P3H2: variants seen among roughly 807,000 people sequenced by gnomAD.
The protein encoded by P3H2 is prolyl 3-hydroxylase 2, also known as leprecan-like 1.
In P3H2, 80 loss-of-function variants were observed where a neutral mutation model predicts 87.0. The observed-to-expected ratio is 0.92, with a 90% CI of 0.77 to 1.11. The LOEUF (loss-of-function observed/expected upper bound fraction) is 1.11. P3H2 is among the 50% of genes least tolerant of loss of function. The probability of loss-of-function intolerance (pLI) is 0.00; values close to 1 mark genes in which losing one functional copy is unlikely to be tolerated. For missense variants in P3H2, 1,001 were observed against 923.9 expected (o/e 1.08, Z -1.08); for synonymous variants, 367 against 359.3 (o/e 1.02, Z -0.24).
intron 1 of P3H2, among the ~76,000 whole-genome samples, chr3:190,032,417 G>C (rs1329538051): frequency 1.3e-5 from 2 of 152,026 alleles, no homozygotes; most frequent in Non-Finnish European, 2.9e-5. Context: ...CTGTGATTTA[G>C]TCTCAAGAAA....
intron 1 of P3H2, among the ~76,000 whole-genome samples, chr3:190,011,447 A>G (rs1004274548): frequency 6.6e-6 from 1 of 152,202 alleles, no homozygotes; most frequent in Non-Finnish European, 1.5e-5. Context: ...TATCCTAAAA[A>G]ATAAGTTTGA....
rs1722659421 is a variant in P3H2 at position 189,957,199 on chromosome 3, C to T, written c.*713G>A. On this transcript the variant is annotated 3_prime_UTR_variant, in exon 15 of 15. Transcript: ENST00000319332. The stretch of plus-strand genomic sequence containing the variant: ...TCCCGGAGCCTGGGTGATCATTACG[C>T]CCATGATACCTGAGGCAGCGTGGAC... 7.5e-6 allele frequency: 3 copies of T among 398,630 alleles called. No homozygotes were observed. Among genetic ancestry groups the T allele is most frequent in the South Asian group, 1.3e-4 (1 of 7,860 alleles). The allele number at this position is 398,630 out of a possible 1,614,324, so 24.7% of individuals were successfully genotyped here.
intron 6 of P3H2, 67 bp downstream of exon 6, chr3:189,986,721 G>C: frequency 8.7e-7 from 1 of 1,152,744 alleles, no homozygotes; most frequent in South Asian, 1.3e-5. Flanking sequence ...ATGGAGGCAG[G>C]TAATAAAAAC....
At chr3:190,060,911 T>A (rs954513660) in intron 1 of P3H2, among the ~76,000 whole-genome samples, 3 of 152,176 alleles carry the variant, frequency 2.0e-5, no homozygotes, top group Non-Finnish European at 2.9e-5. Context: ...CCTGCTTTAT[T>A]TATTTTTTAT....
intron 1 of P3H2, among the ~76,000 whole-genome samples, chr3:190,031,545 G>A (rs1725253026): frequency 6.6e-6 from 1 of 151,886 alleles, no homozygotes. Context: ...GCTGAGGCAG[G>A]AGAATCACTG....
In P3H2 at chr3:189,974,581, G is replaced by T. The variant is rs201266004; in HGVS notation, c.1429C>A (p.Arg477=). Residue 477 remains arginine, a synonymous_variant, in exon 9 of 15, where the codon CGG becomes AGG. Coordinates refer to ENST00000319332, the MANE Select transcript of P3H2 (RefSeq NM_018192.4). Reference sequence around the variant, plus strand: ...ACACTGGCCACGCTGTGGAGCTCCCGGCACTGTTCTTCCGACAGGACGTTA... The same window carrying T: ...ACACTGGCCACGCTGTGGAGCTCCCTGCACTGTTCTTCCGACAGGACGTTA... ...LDNVLSEEQC[R]ELHSVASGIM... 2 of 1,614,006 alleles carry T rather than the reference G, an allele frequency of 1.2e-6. No homozygotes were observed. The highest frequency in any genetic ancestry group is 4.5e-5 in the East Asian group (2 of 44,874).
At chr3:190,042,451 T>C (rs1294174002) in intron 1 of P3H2, among the ~76,000 whole-genome samples, 1 of 125,486 alleles carries the variant, frequency 8.0e-6, no homozygotes, top group East Asian at 2.4e-4. Flanking sequence ...TGTGTGTGTG[T>C]GTGTGTATGT....
chr3:189,977,885 G>A (rs781302953), intron 8 of P3H2, among the ~76,000 whole-genome samples: 5 of 151,634 alleles, frequency 3.3e-5, no homozygotes, highest in East Asian at 1.9e-4. Flanking sequence ...GCTTGGATTC[G>A]AGGCATGAGC....
At chr3:189,982,020 C>G (rs1414839244) in intron 8 of P3H2, among the ~76,000 whole-genome samples, 1 of 152,216 alleles carries the variant, frequency 6.6e-6, no homozygotes, top group African/African-American at 2.4e-5. Flanking sequence ...AATGTGCTGA[C>G]AAGATCTCCT....
At chr3:189,992,816 C>A (rs1723917728) in intron 3 of P3H2, among the ~76,000 whole-genome samples, 1 of 152,122 alleles carries the variant, frequency 6.6e-6, no homozygotes, top group Non-Finnish European at 1.5e-5. Context: ...GTTATTATTA[C>A]TACTGATAAT....
chr3:190,080,851 C>T (rs1487499312), intron 1 of P3H2, among the ~76,000 whole-genome samples: 1 of 152,104 alleles, frequency 6.6e-6, no homozygotes, highest in Non-Finnish European at 1.5e-5. Flanking sequence ...AATGACTTTC[C>T]CATCTCTTGA....
intron 13 of P3H2, chr3:189,969,849 T>A: frequency 6.8e-7 from 1 of 1,465,172 alleles, no homozygotes; most frequent in Non-Finnish European, 9.6e-7. Flanking sequence ...GTGGTGGTGG[T>A]GCTTGAGGCC....
intron 1 of P3H2, among the ~76,000 whole-genome samples, chr3:190,052,714 TG>T (rs1726021828): frequency 6.6e-6 from 1 of 152,116 alleles, no homozygotes; most frequent in African/African-American, 2.4e-5. Flanking sequence ...TATGCATGTG[TG>T]TATATACACA....
chr3:189,970,763 G>T, intron 13 of P3H2, 53 bp downstream of exon 13: 1 of 1,024,248 alleles, frequency 9.8e-7, no homozygotes, highest in South Asian at 1.3e-5. Context: ...TAGAAAAATG[G>T]CAATACTGAG....
At chr3:190,079,052 A>G (rs1726960223) in intron 1 of P3H2, among the ~76,000 whole-genome samples, 1 of 152,134 alleles carries the variant, frequency 6.6e-6, no homozygotes, top group Non-Finnish European at 1.5e-5. Context: ...TTAATAATCC[A>G]TATTTGAGCC....
At chr3:189,959,629 G>T (rs1022117147) in intron 14 of P3H2, among the ~76,000 whole-genome samples, 4 of 151,820 alleles carry the variant, frequency 2.6e-5, no homozygotes, top group African/African-American at 7.3e-5. Context: ...ACTTTCAAAA[G>T]AATTCCCTAA....
At position 189,979,264 on chromosome 3, in the gene P3H2, A is replaced by AAT. The variant is rs199537500; in HGVS notation, c.1324+3781_1324+3782insAT. On this transcript the variant is annotated intron_variant, in intron 8 of 14. Coordinates refer to ENST00000319332, the MANE Select transcript of P3H2 (RefSeq NM_018192.4). ...CACAGTGAAACCCCATCTCTACTAA[A>AAT]ACACAAAAAAAAAATTCGCTGGGCA... 4.8e-4 allele frequency among the ~76,000 whole-genome samples: 52 copies of AAT among 108,132 alleles called. No individual in the cohort carries two copies. In the East Asian group the frequency reaches 9.6e-3, roughly 20 times the overall value. 70.9% of individuals were successfully genotyped at this position (108,132 alleles called of 152,430 possible). A position where few individuals can be genotyped will look rare whatever the true frequency, so the allele number is the denominator to read the frequency against.
intron 1 of P3H2, among the ~76,000 whole-genome samples, chr3:190,109,012 T>C (rs79178385): frequency 0.012 from 1,762 of 152,334 alleles, 40 homozygotes; most frequent in African/African-American, 0.041. Context: ...AATATGGCCT[T>C]ACGGCAATAC....
At chr3:189,964,185 G>T in intron 13 of P3H2, 87 bp from the exon 14 acceptor site, 2 of 1,260,742 alleles carry the variant, frequency 1.6e-6, no homozygotes, top group Non-Finnish European at 2.3e-6. Context: ...GAGATTATTT[G>T]AGTTAAGGCC....
Sources: gnomAD v4.1 joint callset for allele counts (sites outside exome capture counted in the v4.1 genomes callset) on GRCh38, gnomAD v4.1.1 for gene constraint, MANE v1.5 for transcripts, NCBI Gene and HGNC (gene_info 2026-07-23, HGNC 2026-07-21) for gene names.